Variants in RORC observed in about 807,000 individuals in gnomAD.
RORC encodes RAR related orphan receptor C.
RORC carries 13 observed loss-of-function variants against 64.5 expected under a neutral mutation model. The observed-to-expected ratio is 0.20, with a 90% CI of 0.13 to 0.32. The LOEUF is 0.32. Ranked by LOEUF, RORC falls within the 10% of genes least tolerant of loss-of-function variation. The pLI is 1.00. For synonymous variants in RORC, 277 were observed against 259.3 expected (o/e 1.07, Z -0.65); for missense variants, 468 against 669.5 (o/e 0.70, Z 3.32).
In RORC at chr1:151,828,720, C is replaced by T. The variant is rs1424107540; in HGVS notation, c.70+709G>A. On this transcript the variant is annotated intron_variant, in intron 2 of 10. Transcript: ENST00000318247. Reference sequence around the variant, plus strand: ...TGCAGGCTGGGCACAGTGGCCCATGCCTGTAATCTCAGCACTTTGGGAGGC... The same window carrying T: ...TGCAGGCTGGGCACAGTGGCCCATGTCTGTAATCTCAGCACTTTGGGAGGC... Among the ~76,000 whole-genome samples the T allele has an allele frequency of 2.6e-5, 4 of 152,084 alleles. No homozygotes were observed. In the East Asian group the frequency reaches 5.8e-4, roughly 22 times the overall value.
At position 151,811,442 on chromosome 1, in the gene RORC, A is replaced by T; in HGVS notation, c.1286-8T>A. On this transcript the variant is annotated splice_polypyrimidine_tract_variant and splice_region_variant and intron_variant, in intron 9 of 10. Coordinates refer to ENST00000318247, the MANE Select transcript of RORC (RefSeq NM_005060.4). ...CTTGGAGCCCTGGCCGATCTGGAGG[A>T]GGGGGTGGGACCGTAATGAGAACAA... 3 of 1,564,598 alleles carry T rather than the reference A, an allele frequency of 1.9e-6. No individual in the cohort carries two copies. The highest frequency in any genetic ancestry group is 2.6e-6 in the Non-Finnish European group (3 of 1,135,652).
intron 2 of RORC, among the ~76,000 whole-genome samples, chr1:151,820,928 C>T (rs1394667432): frequency 3.3e-5 from 5 of 152,284 alleles, no homozygotes; most frequent in South Asian, 2.1e-4. Context: ...GCGATCTTTT[C>T]CTGAGCTCAT....
Position 151,815,434 on chromosome 1 carries a change from G to T in RORC, c.299-9C>A. The T allele has an allele frequency of 6.6e-7, 1 of 1,524,142 alleles. No individual in the cohort carries two copies. Among genetic ancestry groups the T allele is most frequent in the Non-Finnish European group, 8.8e-7 (1 of 1,135,740 alleles). The allele number at this position is 1,524,142 out of a possible 1,614,324, so 94.4% of individuals were successfully genotyped here. ...GCGGCCGAACTTGACAGCTGAAAGAGGTCCAGGGACCAGGGGTTTATGAGG... is the reference window on the plus strand; with the variant it reads ...GCGGCCGAACTTGACAGCTGAAAGATGTCCAGGGACCAGGGGTTTATGAGG... On this transcript the variant is annotated splice_polypyrimidine_tract_variant and intron_variant, in intron 4 of 10. Transcript: ENST00000318247.
intron 2 of RORC, among the ~76,000 whole-genome samples, chr1:151,826,366 T>C (rs1652197201): frequency 2.0e-5 from 3 of 152,216 alleles, no homozygotes; most frequent in East Asian, 1.9e-4. Flanking sequence ...AAGCCAAATT[T>C]CTACTCCTCC....
intron 2 of RORC, among the ~76,000 whole-genome samples, chr1:151,828,724 T>C: frequency 6.6e-6 from 1 of 152,094 alleles, no homozygotes; most frequent in East Asian, 1.9e-4. Context: ...CCCATGCCTG[T>C]AATCTCAGCA....
chr1:151,829,178 G>A (rs1240941978), intron 2 of RORC, among the ~76,000 whole-genome samples: 8 of 149,710 alleles, frequency 5.3e-5, no homozygotes, highest in African/African-American at 1.5e-4. Context: ...TTCACAAGGC[G>A]GTTCCCTTTT....
At chr1:151,817,303 G>A (rs1395971348) in intron 2 of RORC, 23 bp from the exon 3 acceptor site, 3 of 1,579,904 alleles carry the variant, frequency 1.9e-6, no homozygotes, top group Admixed American at 1.7e-5. Flanking sequence ...AAGAGAAGTA[G>A]GTCAGCCCAG....
In RORC at chr1:151,831,732, G is replaced by A. The variant is rs151097632; in HGVS notation, c.33C>T (p.Ala11=). ...GGGCCATGGGCCTCTTACCCCGTGAGGCTCGGTGCTGTCTCTGTGGGGCCC... is the reference window on the plus strand; with the variant it reads ...GGGCCATGGGCCTCTTACCCCGTGAAGCTCGGTGCTGTCTCTGTGGGGCCC... The part of the protein sequence containing the change: MDRAPQRQHR[A]SRELLAAKKT... Residue 11 remains alanine (A), a synonymous_variant, in exon 1 of 11, where the codon GCC becomes GCT. Coordinates refer to ENST00000318247, the MANE Select transcript of RORC (RefSeq NM_005060.4). 2.8e-4 allele frequency: 458 copies of A among 1,610,858 alleles called. 2 individuals carry two copies. In the African/African-American group the frequency reaches 5.2e-3, roughly 18 times the overall value.
chr1:151,831,032 C>T (rs866752935), intron 1 of RORC: 27 of 1,289,216 alleles, frequency 2.1e-5, no homozygotes, highest in Admixed American at 9.2e-5. Flanking sequence ...TGTGGCCCTG[C>T]GATCCTGCTC....
chr1:151,823,633 C>A (rs148277976), intron 2 of RORC, among the ~76,000 whole-genome samples: 326 of 152,202 alleles, frequency 2.1e-3, no homozygotes, highest in Non-Finnish European at 3.5e-3. Context: ...GGGCTTCACA[C>A]CTTCATGTTT....
intron 2 of RORC, among the ~76,000 whole-genome samples, chr1:151,818,712 C>T (rs559420618): frequency 6.6e-6 from 1 of 152,320 alleles, no homozygotes; most frequent in African/African-American, 2.4e-5. Context: ...AGGGCCAAAG[C>T]CCCTTTTAAT....
intron 2 of RORC, chr1:151,825,980 A>G: frequency 6.2e-7 from 1 of 1,611,348 alleles, no homozygotes; most frequent in Non-Finnish European, 8.5e-7. Context: ...TGTCCTTCTC[A>G]GCAGGGGGTG....
chr1:151,816,631 GA>G (rs1651762938), intron 4 of RORC, 32 bp downstream of exon 4: 1 of 1,582,520 alleles, frequency 6.3e-7, no homozygotes, highest in South Asian at 1.2e-5. Flanking sequence ...GAGACACCAG[GA>G]AAACCCCAGG....
In RORC at chr1:151,815,388, G is replaced by A. The variant is rs201246530; in HGVS notation, c.336C>T (p.Asp112=). 2 of 1,545,448 alleles carry A rather than the reference G, an allele frequency of 1.3e-6. No individual in the cohort carries two copies. The highest frequency in any genetic ancestry group is 1.7e-6 in the Non-Finnish European group (2 of 1,146,366). Residue 112 remains aspartate (D), a synonymous_variant, in exon 5 of 11, where the codon GAC becomes GAT. Coordinates refer to ENST00000318247, the MANE Select transcript of RORC (RefSeq NM_005060.4). ...KFGRMSKKQR[D]SLHAEVQKQL... ...GTTTCTGCACTTCTGCATGCAGGCTGTCCCTCTGCTTCTTGGACATGCGGC... is the reference window on the plus strand; with the variant it reads ...GTTTCTGCACTTCTGCATGCAGGCTATCCCTCTGCTTCTTGGACATGCGGC...
chr1:151,812,683 T>C (rs527375940), intron 9 of RORC: 10 of 356,886 alleles, frequency 2.8e-5, no homozygotes, highest in Non-Finnish European at 5.2e-5. Flanking sequence ...GACACATTTC[T>C]GTCAGGAAAG....
At chr1:151,814,544 G>A (rs201113795) in intron 6 of RORC, 30 bp downstream of exon 6, 25 of 1,597,234 alleles carry the variant, frequency 1.6e-5, no homozygotes, top group South Asian at 1.3e-4. Flanking sequence ...GGTGGGATAC[G>A]TTCCCTTCCT....
chr1:151,811,460 G>A (rs200720891), intron 9 of RORC, 26 bp from the exon 10 acceptor site: 2 of 1,451,450 alleles, frequency 1.4e-6, no homozygotes, highest in South Asian at 1.2e-5. Flanking sequence ...GGACCGTAAT[G>A]AGAACAAGAA....
chr1:151,820,526 C>T (rs924449547), intron 2 of RORC, among the ~76,000 whole-genome samples: 1 of 152,194 alleles, frequency 6.6e-6, no homozygotes, highest in Admixed American at 6.5e-5. Context: ...CCCTGCACCA[C>T]TGCTCCCATG....
chr1:151,817,559 G>A (rs1190388149), intron 2 of RORC, among the ~76,000 whole-genome samples: 1 of 152,206 alleles, frequency 6.6e-6, no homozygotes, highest in African/African-American at 2.4e-5. Context: ...CAGCTGCAGA[G>A]GGGCCACCTG....
Sources: gnomAD v4.1 joint callset for allele counts (sites outside exome capture counted in the v4.1 genomes callset) on GRCh38, gnomAD v4.1.1 for gene constraint, MANE v1.5 for transcripts, NCBI Gene and HGNC (gene_info 2026-07-23, HGNC 2026-07-21) for gene names.